The following DOCK4 variants were observed in gnomAD, a reference collection of about 807,000 sequenced individuals.
DOCK4 encodes dedicator of cytokinesis protein 4.
A neutral mutation model predicts 268.1 loss-of-function variants in DOCK4; 97 were observed. The observed-to-expected ratio is 0.36, with a 90% CI of 0.31 to 0.43. The LOEUF is 0.43. DOCK4 is among the 20% of genes least tolerant of loss of function. The pLI is 1.00. For synonymous variants in DOCK4, 954 were observed against 887.2 expected (o/e 1.08, Z -1.34); for missense variants, 2,145 against 2,455.7 (o/e 0.87, Z 2.67).
At chr7:111,959,260 C>T (rs1449886508) in intron 8 of DOCK4, among the ~76,000 whole-genome samples, 1 of 152,058 alleles carries the variant, frequency 6.6e-6, no homozygotes, top group African/African-American at 2.4e-5. Context: ...GTCTGAATGC[C>T]GTCTCCATCT....
At chr7:111,956,138 G>A (rs951740772) in intron 8 of DOCK4, among the ~76,000 whole-genome samples, 19 of 152,044 alleles carry the variant, frequency 1.2e-4, no homozygotes, top group African/African-American at 4.6e-4. Context: ...TGTAAACACT[G>A]TATCTTTGAC....
chr7:111,808,752 T>G, intron 30 of DOCK4, 69 bp downstream of exon 30: 1 of 1,521,372 alleles, frequency 6.6e-7, no homozygotes. Flanking sequence ...ATTGCCTTTC[T>G]TCATTTGTAC....
chr7:112,018,419 T>C (rs1802044207), intron 1 of DOCK4, among the ~76,000 whole-genome samples: 1 of 152,122 alleles, frequency 6.6e-6, no homozygotes, highest in East Asian at 1.9e-4. Context: ...CATTACCAAC[T>C]CAGCACTTAT....
At chr7:112,129,641 G>C (rs897157794) in intron 1 of DOCK4, among the ~76,000 whole-genome samples, 3 of 152,120 alleles carry the variant, frequency 2.0e-5, no homozygotes, top group Non-Finnish European at 4.4e-5. Flanking sequence ...GCTGAGTGAA[G>C]GGTACATAAA....
At chr7:112,007,665 T>C (rs1469771359) in intron 1 of DOCK4, among the ~76,000 whole-genome samples, 1 of 152,090 alleles carries the variant, frequency 6.6e-6, no homozygotes, top group African/African-American at 2.4e-5. Flanking sequence ...GCGAAGAATT[T>C]GAAAATATGG....
At chr7:112,122,875 T>A (rs1297819235) in intron 1 of DOCK4, among the ~76,000 whole-genome samples, 1 of 152,204 alleles carries the variant, frequency 6.6e-6, no homozygotes, top group Admixed American at 6.5e-5. Flanking sequence ...TTTCCCTAAT[T>A]ATGTAGTCAA....
intron 1 of DOCK4, among the ~76,000 whole-genome samples, chr7:112,168,958 T>C (rs1338561383): frequency 6.6e-6 from 1 of 152,194 alleles, no homozygotes; most frequent in Non-Finnish European, 1.5e-5. Flanking sequence ...CATATATGTG[T>C]ATTATCACTA....
chr7:111,813,893 T>C (rs2133924074), intron 27 of DOCK4, among the ~76,000 whole-genome samples: 1 of 152,352 alleles, frequency 6.6e-6, no homozygotes, highest in South Asian at 2.1e-4. Context: ...TTGCCTAGCA[T>C]CCAGTAAGAT....
intron 43 of DOCK4, among the ~76,000 whole-genome samples, chr7:111,746,725 G>T (rs572156135): frequency 6.6e-6 from 1 of 151,986 alleles, no homozygotes; most frequent in East Asian, 1.9e-4. Flanking sequence ...CTAGATGGTG[G>T]CCTTACCTTC....
intron 1 of DOCK4, among the ~76,000 whole-genome samples, chr7:112,175,703 T>C (rs1818451932): frequency 6.6e-6 from 1 of 152,242 alleles, no homozygotes; most frequent in South Asian, 2.1e-4. Flanking sequence ...AAAAATGTTT[T>C]TAAAATTTAT....
At chr7:111,972,151 T>A (rs1212758191) in intron 8 of DOCK4, among the ~76,000 whole-genome samples, 2 of 152,220 alleles carry the variant, frequency 1.3e-5, no homozygotes, top group African/African-American at 4.8e-5. Context: ...CATAACAATT[T>A]ATTATTAAGA....
chr7:111,731,661 C>A (rs1795092345), intron 52 of DOCK4, among the ~76,000 whole-genome samples: 1 of 152,130 alleles, frequency 6.6e-6, no homozygotes. Context: ...CCAGTTTGTT[C>A]CCTAGAAATC....
At chr7:111,842,865 C>T (rs1418433092) in intron 25 of DOCK4, among the ~76,000 whole-genome samples, 1 of 152,132 alleles carries the variant, frequency 6.6e-6, no homozygotes, top group African/African-American at 2.4e-5. Flanking sequence ...AACCAAGTGG[C>T]GAACCTGGAT....
At chr7:112,175,946 T>G (rs926239729) in intron 1 of DOCK4, among the ~76,000 whole-genome samples, 4 of 152,186 alleles carry the variant, frequency 2.6e-5, no homozygotes, top group African/African-American at 9.7e-5. Context: ...CTCAGGGTGA[T>G]CTATCATCAA....
chr7:111,928,726 T>G (rs1454172945), intron 12 of DOCK4, among the ~76,000 whole-genome samples: 1 of 151,854 alleles, frequency 6.6e-6, no homozygotes, highest in Non-Finnish European at 1.5e-5. Context: ...TAGCTGGAAT[T>G]AACAGGCACG....
intron 24 of DOCK4, among the ~76,000 whole-genome samples, chr7:111,845,827 T>C (rs1200047223): frequency 3.3e-5 from 5 of 152,190 alleles, no homozygotes; most frequent in African/African-American, 1.2e-4. Context: ...CAGTGAACTA[T>C]CTAACTTACA....
At chr7:111,919,214 T>C (rs756532294) in intron 12 of DOCK4, among the ~76,000 whole-genome samples, 42 of 151,988 alleles carry the variant, frequency 2.8e-4, no homozygotes, top group African/African-American at 9.4e-4. Context: ...AAGAAAACCA[T>C]TGGGTCAGAG....
In DOCK4 at chr7:111,747,305, CTA is replaced by C; in HGVS notation, c.4553_4554del (p.Ile1518ArgfsTer5). On this transcript the variant is annotated frameshift_variant, in exon 43 of 53. Coordinates refer to ENST00000428084, the MANE Select transcript of DOCK4 (RefSeq NM_001363540.2). LOFTEE classifies it high-confidence loss of function. ...NPLTMCLNGV[I>X]DAAVNGGVSR... Reference sequence around the variant, plus strand: ...GAAACGCCACCATTAACTGCAGCATCTATAACTCCATTCAGGCACATAGTCAG... The same window carrying C: ...GAAACGCCACCATTAACTGCAGCATCTAACTCCATTCAGGCACATAGTCAG... 1 of 1,613,698 alleles carries C rather than the reference CTA, an allele frequency of 6.2e-7. No individual in the cohort carries two copies. Among genetic ancestry groups the C allele is most frequent in the Non-Finnish European group, 8.5e-7 (1 of 1,179,792 alleles).
chr7:111,783,805 A>T (rs1390377883), intron 34 of DOCK4, 52 bp downstream of exon 34: 20 of 1,450,022 alleles, frequency 1.4e-5, no homozygotes, highest in Non-Finnish European at 1.9e-5. Context: ...TTGATTTTCT[A>T]ACTGGAGTTC....
Sources: gnomAD v4.1 joint callset for allele counts (sites outside exome capture counted in the v4.1 genomes callset) on GRCh38, gnomAD v4.1.1 for gene constraint, MANE v1.5 for transcripts, NCBI Gene and HGNC (gene_info 2026-07-23, HGNC 2026-07-21) for gene names.